The following LIPA variants were observed in gnomAD, a reference collection of about 807,000 sequenced individuals.
The protein encoded by LIPA is lysosomal acid lipase/cholesteryl ester hydrolase.
A neutral mutation model predicts 40.6 loss-of-function variants in LIPA; 26 were observed. The observed-to-expected ratio is 0.64, with a 90% confidence interval of 0.47 to 0.89. The LOEUF is 0.89. Among genes scored for constraint, LIPA ranks in the 40% least tolerant of loss-of-function variants. The probability of loss-of-function intolerance (pLI) is 0.00; values close to 1 mark genes in which losing one functional copy is unlikely to be tolerated. For synonymous variants in LIPA, 188 were observed against 168.4 expected (o/e 1.12, Z -0.90); for missense variants, 455 against 479.6 (o/e 0.95, Z 0.48).
upstream of LIPA, chr10:89,252,026 A>G (rs539355621): frequency 1.3e-5 from 2 of 152,424 alleles, no homozygotes; most frequent in South Asian, 4.1e-4. Flanking sequence ...GCAGGCTGGC[A>G]GGTCCACAGC....
chr10:89,220,740 A>G (rs1362038364), intron 8 of LIPA, among the ~76,000 whole-genome samples: 1 of 152,170 alleles, frequency 6.6e-6, no homozygotes, highest in African/African-American at 2.4e-5. Flanking sequence ...CCCCAGGGAA[A>G]GGAGAACTAT....
chr10:89,226,945 GT>G lies in LIPA; in HGVS notation c.487del (p.Thr163LeufsTer17). 1 of 1,613,418 alleles carries G rather than the reference GT, an allele frequency of 6.2e-7. No individual in the cohort carries two copies. On this transcript the variant is annotated frameshift_variant, in exon 5 of 10. Transcript: ENST00000336233. LOFTEE classifies it high-confidence loss of function. ...CACATAATACACTTGTTCTTGGCCA[GT>G]TTTATTCAGAATGAAGTTAATGGAA... ...PASINFILNK[T>X]GQEQVYYVGH...
At chr10:89,352,211 C>T (rs548255334) in intron 2 of LIPA, among the ~76,000 whole-genome samples, 3 of 152,106 alleles carry the variant, frequency 2.0e-5, no homozygotes, top group Non-Finnish European at 4.4e-5. Context: ...TGTGACAGCT[C>T]GCCAGTTTCA....
chr10:89,371,219 G>T (rs1050424551), intron 2 of LIPA, among the ~76,000 whole-genome samples: 2 of 152,166 alleles, frequency 1.3e-5, no homozygotes, highest in African/African-American at 4.8e-5. Flanking sequence ...TCTAATGAAA[G>T]ACCAGCCACT....
At chr10:89,290,431 A>C (rs751237904) in intron 1 of LIPA, among the ~76,000 whole-genome samples, 1 of 152,140 alleles carries the variant, frequency 6.6e-6, no homozygotes, top group Non-Finnish European at 1.5e-5. Flanking sequence ...TGCCACCCCC[A>C]AAATTTTTGC....
chr10:89,320,679 A>G (rs1239130795), intron 1 of LIPA, among the ~76,000 whole-genome samples: 4 of 152,174 alleles, frequency 2.6e-5, no homozygotes, highest in Non-Finnish European at 5.9e-5. Context: ...TCCCCATCAA[A>G]CTACCAATGA....
chr10:89,392,297 A>G (rs1844263704), intron 2 of LIPA, among the ~76,000 whole-genome samples: 1 of 152,202 alleles, frequency 6.6e-6, no homozygotes, highest in South Asian at 2.1e-4. Context: ...GTATTCATCC[A>G]GAATCCAGCC....
intron 1 of LIPA, among the ~76,000 whole-genome samples, chr10:89,269,885 G>A (rs576933122): frequency 1.3e-5 from 2 of 152,290 alleles, no homozygotes; most frequent in South Asian, 4.1e-4. Flanking sequence ...TGAGTTTACA[G>A]AGCCACTAAG....
intron 2 of LIPA, among the ~76,000 whole-genome samples, chr10:89,348,411 T>C (rs988132224): frequency 3.9e-5 from 6 of 152,184 alleles, no homozygotes; most frequent in Non-Finnish European, 7.3e-5. Context: ...AAAAAGTGTA[T>C]ACAAAAAGGA....
intron 1 of LIPA, among the ~76,000 whole-genome samples, chr10:89,305,295 A>G (rs531618991): frequency 1.3e-5 from 2 of 152,318 alleles, no homozygotes; most frequent in South Asian, 4.1e-4. Context: ...AGCATGTTAA[A>G]GTAATAAACC....
At chr10:89,218,113 T>C (rs1173043080) in intron 8 of LIPA, among the ~76,000 whole-genome samples, 1 of 152,222 alleles carries the variant, frequency 6.6e-6, no homozygotes, top group Non-Finnish European at 1.5e-5. Context: ...GCCTATAGTA[T>C]TAGGATAAAC....
chr10:89,307,279 G>T (rs1365115277), intron 1 of LIPA: 1 of 1,613,968 alleles, frequency 6.2e-7, no homozygotes, highest in South Asian at 1.1e-5. Flanking sequence ...TCCTTCAGGA[G>T]CTGAATGAAA....
At chr10:89,280,369 G>A (rs112116523) in intron 1 of LIPA, among the ~76,000 whole-genome samples, 6 of 152,326 alleles carry the variant, frequency 3.9e-5, no homozygotes, top group African/African-American at 1.4e-4. Flanking sequence ...CAGGCAAACA[G>A]GAAAGGTTCC....
intron 2 of LIPA, among the ~76,000 whole-genome samples, chr10:89,348,194 C>T (rs1419674691): frequency 6.6e-6 from 1 of 152,100 alleles, no homozygotes; most frequent in East Asian, 1.9e-4. Context: ...GGAAAGACAG[C>T]GTGGGAAGAT....
intron 1 of LIPA, chr10:89,305,993 C>G (rs756741105): frequency 6.2e-7 from 1 of 1,613,568 alleles, no homozygotes; most frequent in South Asian, 1.1e-5. Context: ...GGAGAGCAGC[C>G]TACGGCAACT....
intron 2 of LIPA, chr10:89,403,328 A>T (rs540012507): frequency 6.2e-7 from 1 of 1,613,458 alleles, no homozygotes; most frequent in African/African-American, 1.3e-5. Context: ...GAATGTATAT[A>T]GAAGCAGGCA....
chr10:89,333,924 C>T (rs747144438), intron 1 of LIPA, among the ~76,000 whole-genome samples: 2 of 152,186 alleles, frequency 1.3e-5, no homozygotes, highest in Non-Finnish European at 2.9e-5. Flanking sequence ...TTGAGAAGTC[C>T]GGCTCTGGAG....
intron 1 of LIPA, among the ~76,000 whole-genome samples, chr10:89,287,967 T>G (rs1369318663): frequency 6.6e-6 from 1 of 152,218 alleles, no homozygotes. Context: ...ACATGCTTTC[T>G]TTACTATTCC....
chr10:89,341,151 A>G lies in LIPA; in HGVS notation c.-2+1460T>C, dbSNP rs546847340. ...TGAAGGCAGCCTATCCTTACATTAT[A>G]GGAACTATGACTGTCTTTCCAGCCT... On this transcript the variant is annotated intron_variant, in intron 1 of 5. Coordinates refer to the LIPA transcript ENST00000282673. Among the ~76,000 whole-genome samples, 4 of 152,296 alleles carry G rather than the reference A, an allele frequency of 2.6e-5. No homozygotes were observed. In the South Asian group the frequency reaches 8.3e-4, roughly 32 times the overall value.
Sources: allele counts gnomAD v4.1 joint callset (sites outside exome capture counted in the v4.1 genomes callset), GRCh38; gene constraint gnomAD v4.1.1; transcripts MANE v1.5; gene names NCBI Gene and HGNC (gene_info 2026-07-23, HGNC 2026-07-21).